SH3GLB2: variants seen among roughly 807,000 people sequenced by gnomAD.
SH3GLB2 encodes endophilin-B2.
SH3GLB2 carries 24 observed loss-of-function variants against 48.0 expected under a neutral mutation model. The observed-to-expected ratio is 0.50, with a 90% confidence interval of 0.36 to 0.70. SH3GLB2 has a LOEUF of 0.70. SH3GLB2 is among the 30% of genes least tolerant of loss of function. The probability of loss-of-function intolerance (pLI) is 0.00; values close to 1 mark genes in which losing one functional copy is unlikely to be tolerated. For missense variants in SH3GLB2, 425 were observed against 516.0 expected, an observed-to-expected ratio of 0.82 and a Z score of 1.71; for synonymous variants, 227 against 207.6, an observed-to-expected ratio of 1.09 and a Z score of -0.80.
chr9:129,012,261 T>A lies in SH3GLB2; in HGVS notation c.599A>T (p.Tyr200Phe). The A allele has an allele frequency of 7.7e-7, 1 of 1,300,098 alleles. No individual in the cohort carries two copies. The allele number at this position is 1,300,098 out of a possible 1,614,324, so 80.5% of individuals were successfully genotyped here. ...CGCGGAGGCGCTGGCCGAGAGAATG[T>A]AATTACGAGGTCTAGTCTCCTGAAA... ...PDFQETRPRNYILSASASALW... is the reference protein window; with the variant it reads ...PDFQETRPRNFILSASASALW... The change falls in exon 6 of 11, where the codon TAC (tyrosine) becomes TTC (phenylalanine). Residue 200 changes from tyrosine to phenylalanine, a missense_variant. Physicochemically the swap from Tyr to Phe is conservative, Grantham distance 22 (BLOSUM62 3). Transcript: ENST00000372564.
Position 129,014,637 on chromosome 9 carries a change from A to C in SH3GLB2, c.468+134T>G, listed in dbSNP as rs1016960463. 1.3e-5 allele frequency: 19 copies of C among 1,479,962 alleles called. No individual in the cohort carries two copies. The highest frequency in any genetic ancestry group is 1.8e-5 in the Non-Finnish European group (19 of 1,079,574). The allele number at this position is 1,479,962 out of a possible 1,614,324, so 91.7% of individuals were successfully genotyped here. A position where few individuals can be genotyped will look rare whatever the true frequency, so the allele number is the denominator to read the frequency against. Reference sequence around the variant, plus strand: ...GAGGCCCAGAGATAGGAGGTCACTCAGTCCAAAGGAGCCCTCTCTGGGGAG... The same window carrying C: ...GAGGCCCAGAGATAGGAGGTCACTCCGTCCAAAGGAGCCCTCTCTGGGGAG... On this transcript the variant is annotated intron_variant, in intron 4 of 10. Coordinates refer to ENST00000372564, the MANE Select transcript of SH3GLB2 (RefSeq NM_020145.4). The surrounding 1 kb of genome is among the most constrained non-coding windows in gnomAD (Gnocchi z 4.1).
chr9:129,020,307 A>C (rs1190573839), intron 3 of SH3GLB2, among the ~76,000 whole-genome samples: 1 of 140,930 alleles, frequency 7.1e-6, no homozygotes, highest in African/African-American at 2.7e-5. Flanking sequence ...GGTGGCTCAC[A>C]CCTGTAATCC....
At chr9:129,015,468 G>T (rs1176554863) in intron 3 of SH3GLB2, among the ~76,000 whole-genome samples, 1 of 152,196 alleles carries the variant, frequency 6.6e-6, no homozygotes, top group Non-Finnish European at 1.5e-5. Flanking sequence ...GGATGCTGTG[G>T]CTCACACCTG....
At chr9:129,025,796 T>A (rs1210642308) in intron 1 of SH3GLB2, among the ~76,000 whole-genome samples, 3 of 134,028 alleles carry the variant, frequency 2.2e-5, no homozygotes, top group Non-Finnish European at 3.2e-5. Flanking sequence ...ACAGGCCACA[T>A]CTGCCCAGGT....
At chr9:129,020,878 A>C (rs893149252) in intron 3 of SH3GLB2, among the ~76,000 whole-genome samples, 3 of 112,758 alleles carry the variant, frequency 2.7e-5, no homozygotes, top group African/African-American at 3.7e-5. Flanking sequence ...TCAAAAAAAA[A>C]CAAAAACAAA....
Position 129,022,439 on chromosome 9 carries a change from G to T in SH3GLB2, c.64-16C>A. The T allele has an allele frequency of 1.2e-6, 2 of 1,612,540 alleles. No homozygotes were observed. The highest frequency in any genetic ancestry group is 1.7e-6 in the Non-Finnish European group (2 of 1,179,224). On this transcript the variant is annotated splice_polypyrimidine_tract_variant and intron_variant, in intron 1 of 10. Coordinates refer to ENST00000372564, the MANE Select transcript of SH3GLB2 (RefSeq NM_020145.4). ...CCTCCGTGAACTACGCAGAGGGGAA[G>T]GCCAAGGGGTGGGGAGGGGGAGAGC...
intron 6 of SH3GLB2, 79 bp from the exon 7 acceptor site, chr9:129,010,772 C>G: frequency 6.4e-7 from 1 of 1,571,088 alleles, no homozygotes; most frequent in Non-Finnish European, 8.7e-7. Context: ...TGCCCTGCCC[C>G]AGCTCCCAGA....
At position 129,009,838 on chromosome 9, in the gene SH3GLB2, T is replaced by C; in HGVS notation, c.772A>G (p.Lys258Glu). The change falls in exon 9 of 11, where the codon AAG (lysine) becomes GAG (glutamate). Residue 258 changes from lysine to glutamate, a missense_variant. Transcript: ENST00000372564. ...TGTGCGTAGTAGGTTGTCTGAGACT[T>C]GACGAACTCGTGGAGGCAGCGCAGG... is the stretch of plus-strand genomic sequence containing the variant. ...NHLRCLHEFV[K>E]SQTTYYAQCY... 6.2e-7 allele frequency: 1 copy of C among 1,614,004 alleles called. No homozygotes were observed. The highest frequency in any genetic ancestry group is 8.5e-7 in the Non-Finnish European group (1 of 1,179,952).
intron 3 of SH3GLB2, chr9:129,015,863 G>A (rs1253060457): frequency 3.0e-6 from 1 of 338,546 alleles, no homozygotes; most frequent in Non-Finnish European, 6.0e-6. Flanking sequence ...GCAAGATCCT[G>A]TCTTTAAAAA....
In SH3GLB2 at chr9:129,020,849, G is replaced by A. The variant is rs562845292; in HGVS notation, c.334+242C>T. Reference sequence around the variant, plus strand: ...CACGCCACTGCACTCTAGCCTGGGCGACAGAGCGAGACTCCATCTCAAAAA... The same window carrying A: ...CACGCCACTGCACTCTAGCCTGGGCAACAGAGCGAGACTCCATCTCAAAAA... On this transcript the variant is annotated intron_variant, in intron 3 of 10. Coordinates refer to ENST00000372564, the MANE Select transcript of SH3GLB2 (RefSeq NM_020145.4). Among the ~76,000 whole-genome samples, 693 of 150,390 alleles carry A rather than the reference G, an allele frequency of 4.6e-3. 5 individuals are homozygous for A. The highest frequency in any genetic ancestry group is 0.017 in the Middle Eastern group (5 of 290).
At chr9:129,012,893 G>A in intron 5 of SH3GLB2, 3 of 1,344,344 alleles carry the variant, frequency 2.2e-6, no homozygotes, top group East Asian at 5.0e-5. Flanking sequence ...GCTCTGGCGG[G>A]GAGACCAGCT....
rs1032596541 is a variant in SH3GLB2, at chr9:129,007,795, AG to A, written c.*888del. 2 of 152,256 alleles carry A rather than the reference AG, an allele frequency of 1.3e-5. No individual in the cohort carries two copies. 9.4% of individuals were successfully genotyped at this position (152,256 alleles called of 1,614,324 possible). ...ACAGTCCGCTCCACAATCCAAATTT[AG>A]GAAACTTTTTCTTAGGAATAAAACG... On this transcript the variant is annotated 3_prime_UTR_variant, in exon 11 of 11. Coordinates refer to ENST00000372564, the MANE Select transcript of SH3GLB2 (RefSeq NM_020145.4).
At position 129,028,270 on chromosome 9, in the gene SH3GLB2, C is replaced by T. The variant is rs1035831878; in HGVS notation, c.-116G>A. The T allele has an allele frequency of 4.6e-5, 31 of 666,926 alleles. No individual in the cohort carries two copies. Among genetic ancestry groups the T allele is most frequent in the Non-Finnish European group, 5.6e-5 (30 of 540,416 alleles). The allele number at this position is 666,926 out of a possible 1,614,324, so 41.3% of individuals were successfully genotyped here. A position where few individuals can be genotyped will look rare whatever the true frequency, so the allele number is the denominator to read the frequency against. ...TGCGGGGCACCAGCCCTCCGCGCACCCGCCTGCCGGCCTGCCCGCCTGCCC... is the reference window on the plus strand; with the variant it reads ...TGCGGGGCACCAGCCCTCCGCGCACTCGCCTGCCGGCCTGCCCGCCTGCCC... On this transcript the variant is annotated 5_prime_UTR_variant, in exon 1 of 11. Coordinates refer to ENST00000372564, the MANE Select transcript of SH3GLB2 (RefSeq NM_020145.4).
In SH3GLB2 at chr9:129,012,269, A is replaced by G; in HGVS notation, c.591T>C (p.Pro197=). 1 of 1,301,916 alleles carries G rather than the reference A, an allele frequency of 7.7e-7. No homozygotes were observed. The highest frequency in any genetic ancestry group is 9.8e-7 in the Non-Finnish European group (1 of 1,017,798). 80.6% of individuals were successfully genotyped at this position (1,301,916 alleles called of 1,614,324 possible). A position where few individuals can be genotyped will look rare whatever the true frequency, so the allele number is the denominator to read the frequency against. The part of the protein sequence containing the change: ...TTVPDFQETR[P]RNYILSASAS... Reference sequence around the variant, plus strand: ...CGCTGGCCGAGAGAATGTAATTACGAGGTCTAGTCTCCTGAAAGTCAGGCA... The same window carrying G: ...CGCTGGCCGAGAGAATGTAATTACGGGGTCTAGTCTCCTGAAAGTCAGGCA... Residue 197 remains proline, a synonymous_variant, in exon 6 of 11, where the codon CCT becomes CCC. Transcript: ENST00000372564.
chr9:129,021,298 GC>G, intron 2 of SH3GLB2, 79 bp from the exon 3 acceptor site: 1 of 1,467,656 alleles, frequency 6.8e-7, no homozygotes, highest in South Asian at 1.4e-5. Context: ...CCCAGACCCG[GC>G]CCTGCCCACA....
rs188146940 is a variant in SH3GLB2 at position 129,014,604 on chromosome 9, G to A, written c.469-101C>T. ...TGCCGGGGACGATCAAGTCAAGATA[G>A]GGAAACTGAGGCCCAGAGATAGGAG... is the stretch of plus-strand genomic sequence containing the variant. On this transcript the variant is annotated intron_variant, in intron 4 of 10. Transcript: ENST00000372564. The surrounding 1 kb of genome is among the most constrained non-coding windows in gnomAD (Gnocchi z 4.1). 2.0e-6 allele frequency: 3 copies of A among 1,486,558 alleles called. No individual in the cohort carries two copies. Among genetic ancestry groups the A allele is most frequent in the East Asian group, 2.4e-5 (1 of 42,184 alleles). 92.1% of individuals were successfully genotyped at this position (1,486,558 alleles called of 1,614,324 possible).
Position 129,014,055 on chromosome 9 carries a change from A to C in SH3GLB2, c.561+356T>G. Reference sequence around the variant, plus strand: ...GCCTGACGTTCAAGCAGCAAGTAGTAGAGTTAGTAAGAAGGTGCCATGCCC... The same window carrying C: ...GCCTGACGTTCAAGCAGCAAGTAGTCGAGTTAGTAAGAAGGTGCCATGCCC... On this transcript the variant is annotated intron_variant, in intron 5 of 10. Transcript: ENST00000372564. This position sits in a 1 kb window ranked among gnomAD's most constrained non-coding sequence, Gnocchi z 4.1. The C allele has an allele frequency of 2.0e-6, 1 of 511,074 alleles. No individual in the cohort carries two copies. The allele number at this position is 511,074 out of a possible 1,614,324, so 31.7% of individuals were successfully genotyped here.
In SH3GLB2 at chr9:129,009,189, G is replaced by C. The variant is rs993675412; in HGVS notation, c.997C>G (p.Pro333Ala). Residue 333 changes from proline (P) to alanine (A), a missense_variant, in exon 10 of 11, where the codon CCT becomes GCT. By Grantham distance (27) the Pro-to-Ala change is conservative. Transcript: ENST00000372564. ...ASLCLEEVAP[P>A]ASGTRKARVL... ...CGAGCTTTGCGGGTCCCACTGGCAG[G>C]GGGGGCCACCTCTTCCAGGCAGAGC... 57 of 1,611,166 alleles carry C rather than the reference G, an allele frequency of 3.5e-5. No homozygotes were observed. The highest frequency in any genetic ancestry group is 4.7e-5 in the Non-Finnish European group (56 of 1,179,334).
At chr9:129,012,919 C>A in intron 5 of SH3GLB2, 2 of 1,517,578 alleles carry the variant, frequency 1.3e-6, no homozygotes, top group Non-Finnish European at 1.8e-6. Context: ...CAAAATGCCC[C>A]AAGGACGTGG....
Sources: gnomAD v4.1 joint callset for allele counts (sites outside exome capture counted in the v4.1 genomes callset) on GRCh38, gnomAD v4.1.1 for gene constraint, Gnocchi (gnomAD v3.1) non-coding constraint, MANE v1.5 for transcripts, NCBI Gene and HGNC (gene_info 2026-07-23, HGNC 2026-07-21) for gene names.